LMBR1: variants seen among roughly 807,000 people sequenced by gnomAD.
LMBR1 encodes limb development membrane protein 1.
A neutral mutation model predicts 73.9 loss-of-function variants in LMBR1; 52 were observed. That is an observed-to-expected ratio of 0.70 (90% confidence interval 0.56 to 0.89). The LOEUF (loss-of-function observed/expected upper bound fraction) is 0.89. Among genes scored for constraint, LMBR1 ranks in the 40% least tolerant of loss-of-function variants. The probability of loss-of-function intolerance (pLI) is 0.00; values close to 1 mark genes in which losing one functional copy is unlikely to be tolerated. For missense variants in LMBR1, 539 were observed against 579.8 expected (o/e 0.93, Z 0.72); for synonymous variants, 215 against 209.4 (o/e 1.03, Z -0.23).
intron 1 of LMBR1, among the ~76,000 whole-genome samples, chr7:156,891,733 G>A (rs73167979): frequency 0.052 from 7,870 of 152,190 alleles, 297 homozygotes; most frequent in East Asian, 0.15. Context: ...GATCTGAAGG[G>A]TACATGTATG....
chr7:156,770,272 GC>G (rs1824941511), intron 5 of LMBR1, among the ~76,000 whole-genome samples: 1 of 151,908 alleles, frequency 6.6e-6, no homozygotes, highest in South Asian at 2.1e-4. Flanking sequence ...TCCCATCTCA[GC>G]CCCCTGAGTA....
At chr7:156,737,184 C>T (rs1818035261) in intron 9 of LMBR1, among the ~76,000 whole-genome samples, 1 of 152,200 alleles carries the variant, frequency 6.6e-6, no homozygotes, top group Non-Finnish European at 1.5e-5. Flanking sequence ...AGTCTGAATA[C>T]TGTACCTTTG....
chr7:156,812,967 G>T (rs1163809685), intron 4 of LMBR1, among the ~76,000 whole-genome samples: 1 of 152,128 alleles, frequency 6.6e-6, no homozygotes, highest in African/African-American at 2.4e-5. Context: ...GGGGATTATT[G>T]TCCTTCTTTG....
At chr7:156,779,742 A>G (rs963071588) in intron 5 of LMBR1, 34 of 1,272,544 alleles carry the variant, frequency 2.7e-5, no homozygotes, top group Admixed American at 4.6e-5. Context: ...CCTGTAAGGG[A>G]TGTAAAAACC....
downstream of LMBR1, among the ~76,000 whole-genome samples, chr7:156,672,968 A>C (rs762335765): frequency 6.6e-6 from 1 of 152,226 alleles, no homozygotes. Flanking sequence ...CGCAGGGCTC[A>C]CCCCGCGGAC....
chr7:156,684,055 G>A lies in LMBR1; in HGVS notation c.*23C>T. ...TCTGGAGTTCTCGGGTCTCTTGGTG[G>A]CAGAAGACGCCGTCTGTGCGTCTCA... On this transcript the variant is annotated 3_prime_UTR_variant, in exon 17 of 17. Transcript: ENST00000353442. The A allele has an allele frequency of 6.3e-7, 1 of 1,585,084 alleles. No homozygotes were observed. Among genetic ancestry groups the A allele is most frequent in the Non-Finnish European group, 8.7e-7 (1 of 1,154,410 alleles).
intron 4 of LMBR1, among the ~76,000 whole-genome samples, chr7:156,820,381 T>A (rs1563446980): frequency 6.6e-6 from 1 of 152,192 alleles, no homozygotes; most frequent in Non-Finnish European, 1.5e-5. Flanking sequence ...TATAATTTAG[T>A]TCACAGAAAT....
At chr7:156,711,225 G>A (rs1041210260) in intron 15 of LMBR1, among the ~76,000 whole-genome samples, 5 of 152,054 alleles carry the variant, frequency 3.3e-5, no homozygotes, top group African/African-American at 4.8e-5. Flanking sequence ...CAGGAGAATC[G>A]CTTGAACCTG....
At chr7:156,788,975 G>A (rs1397732927) in intron 5 of LMBR1, among the ~76,000 whole-genome samples, 2 of 152,184 alleles carry the variant, frequency 1.3e-5, no homozygotes, top group East Asian at 3.8e-4. Context: ...TTGAACCCGG[G>A]AGATGGAGGT....
chr7:156,689,688 T>C (rs114744202), intron 15 of LMBR1, among the ~76,000 whole-genome samples: 3 of 152,172 alleles, frequency 2.0e-5, no homozygotes, highest in South Asian at 2.1e-4. Flanking sequence ...TACAATAAAA[T>C]AGCTTTTTTA....
At chr7:156,723,371 T>C (rs903972660) in intron 15 of LMBR1, among the ~76,000 whole-genome samples, 3 of 152,098 alleles carry the variant, frequency 2.0e-5, no homozygotes, top group African/African-American at 7.2e-5. Context: ...TTTCCAATCA[T>C]TCGTGTGCAC....
intron 4 of LMBR1, among the ~76,000 whole-genome samples, chr7:156,804,238 A>G (rs1234998595): frequency 6.6e-6 from 1 of 152,250 alleles, no homozygotes; most frequent in Non-Finnish European, 1.5e-5. Flanking sequence ...GGCTTCTGTT[A>G]TCTAGCACAA....
chr7:156,743,832 C>T (rs538124720), intron 9 of LMBR1, among the ~76,000 whole-genome samples: 12 of 152,194 alleles, frequency 7.9e-5, no homozygotes, highest in Non-Finnish European at 1.5e-4. Context: ...ACTTACCCCA[C>T]ACCAAAGTGA....
intron 4 of LMBR1, among the ~76,000 whole-genome samples, chr7:156,671,720 C>CG (rs1802588265): frequency 6.6e-6 from 1 of 150,868 alleles, no homozygotes; most frequent in South Asian, 2.1e-4. Flanking sequence ...TTTTTCAGCC[C>CG]GTGTCCCTCC....
At chr7:156,839,952 G>A (rs1312972104) in intron 1 of LMBR1, among the ~76,000 whole-genome samples, 1 of 152,200 alleles carries the variant, frequency 6.6e-6, no homozygotes, top group African/African-American at 2.4e-5. Flanking sequence ...CTTCTAAGAA[G>A]TTGAGAATAA....
At chr7:156,885,017 G>A (rs762130748) in intron 1 of LMBR1, among the ~76,000 whole-genome samples, 6 of 152,166 alleles carry the variant, frequency 3.9e-5, no homozygotes, top group Non-Finnish European at 7.3e-5. Flanking sequence ...GGCCTAAAAG[G>A]AGCCAACTAA....
intron 4 of LMBR1, among the ~76,000 whole-genome samples, chr7:156,805,683 G>C (rs961622445): frequency 6.6e-6 from 1 of 152,200 alleles, no homozygotes; most frequent in Non-Finnish European, 1.5e-5. Flanking sequence ...CTGGAATCTT[G>C]ACAGGCATGG....
chr7:156,695,310 A>AAAAC (rs1371467417), intron 15 of LMBR1, among the ~76,000 whole-genome samples: 1 of 152,238 alleles, frequency 6.6e-6, no homozygotes, highest in Non-Finnish European at 1.5e-5. Context: ...CTTTGTCTCC[A>AAAAC]AAACAAACAA....
intron 15 of LMBR1, among the ~76,000 whole-genome samples, chr7:156,713,059 C>A (rs1038060843): frequency 6.6e-6 from 1 of 151,984 alleles, no homozygotes; most frequent in Non-Finnish European, 1.5e-5. Flanking sequence ...TCTTATTCCA[C>A]GTTAAAAAGA....
Sources: allele counts gnomAD v4.1 joint callset (sites outside exome capture counted in the v4.1 genomes callset), GRCh38; gene constraint gnomAD v4.1.1; transcripts MANE v1.5; gene names NCBI Gene and HGNC (gene_info 2026-07-23, HGNC 2026-07-21).